The following ADCY10 variants were observed in gnomAD, a reference collection of about 807,000 sequenced individuals.
The protein encoded by ADCY10 is adenylate cyclase 10.
A neutral mutation model predicts 183.3 loss-of-function variants in ADCY10; 156 were observed. The observed-to-expected ratio is 0.85, with a 90% CI of 0.75 to 0.97. ADCY10 has a LOEUF of 0.97. Ranked by LOEUF, ADCY10 falls within the 50% of genes least tolerant of loss-of-function variation. The probability of loss-of-function intolerance (pLI) is 0.00; values close to 1 mark genes in which losing one functional copy is unlikely to be tolerated. For missense variants in ADCY10, 1,745 were observed against 1,934.3 expected (o/e 0.90, Z 1.84); for synonymous variants, 645 against 670.0 (o/e 0.96, Z 0.58).
At chr1:167,824,069 C>T (rs937805668) in intron 28 of ADCY10, among the ~76,000 whole-genome samples, 3 of 152,178 alleles carry the variant, frequency 2.0e-5, no homozygotes, top group African/African-American at 7.2e-5. Flanking sequence ...GCCTGTAATC[C>T]CAACACTTTG....
chr1:167,850,040 G>A (rs1665348079), intron 18 of ADCY10, among the ~76,000 whole-genome samples: 1 of 152,096 alleles, frequency 6.6e-6, no homozygotes, highest in Non-Finnish European at 1.5e-5. Flanking sequence ...AAGAGGGAAA[G>A]GTCACAGATT....
intron 14 of ADCY10, among the ~76,000 whole-genome samples, chr1:167,864,598 GGA>G (rs960652176): frequency 4.6e-5 from 7 of 150,916 alleles, no homozygotes; most frequent in Non-Finnish European, 7.4e-5. Context: ...AGAGAGAGAG[GGA>G]GAGAGAGAGA....
rs1023533370 is a variant in ADCY10 at position 167,821,947 on chromosome 1, A to G, written c.4286+77T>C. The stretch of plus-strand genomic sequence containing the variant: ...AGGTATAAATTATGAATACTTTCTA[A>G]AAGATTTTTCAAGAACTCTTCCTTG... On this transcript the variant is annotated intron_variant, in intron 30 of 32. Coordinates refer to ENST00000367851, the MANE Select transcript of ADCY10 (RefSeq NM_018417.6). 4.8e-6 allele frequency: 5 copies of G among 1,035,998 alleles called. No homozygotes were observed. In the African/African-American group the frequency reaches 6.3e-5, roughly 13 times the overall value. 64.2% of individuals were successfully genotyped at this position (1,035,998 alleles called of 1,614,324 possible).
chr1:167,830,870 G>A (rs1473674674), intron 25 of ADCY10, among the ~76,000 whole-genome samples: 1 of 152,152 alleles, frequency 6.6e-6, no homozygotes, highest in African/African-American at 2.4e-5. Context: ...CTTTGGAAAG[G>A]CGAATCAGAA....
chr1:167,833,984 T>A lies in ADCY10; in HGVS notation c.3403A>T (p.Ser1135Cys). Residue 1135 changes from serine (S) to cysteine (C), a missense_variant, in exon 24 of 33, where the codon AGC (serine) becomes TGC (cysteine). Transcript: ENST00000367851. ...TGGTTTCTTACCTCACCTTTGAGGC[T>A]GTAAAAGGTGGCAGACTCAAATGTC... ...SQTFESATFY[S>C]LKGEVCFNMG... is the part of the protein sequence containing the mutation. 1 of 1,613,792 alleles carries A rather than the reference T, an allele frequency of 6.2e-7. No individual in the cohort carries two copies. Among genetic ancestry groups the A allele is most frequent in the Non-Finnish European group, 8.5e-7 (1 of 1,179,696 alleles).
At chr1:167,896,431 A>T (rs539699747) in intron 7 of ADCY10, among the ~76,000 whole-genome samples, 164 bp downstream of exon 7, 1 of 151,962 alleles carries the variant, frequency 6.6e-6, no homozygotes, top group Admixed American at 6.6e-5. Context: ...TCATACTTAG[A>T]ATTGCTGTCC....
Position 167,837,337 on chromosome 1 carries a change from A to G in ADCY10, c.3008-19T>C. 1 of 1,595,654 alleles carries G rather than the reference A, an allele frequency of 6.3e-7. No individual in the cohort carries two copies. The highest frequency in any genetic ancestry group is 1.3e-5 in the African/African-American group (1 of 74,628). On this transcript the variant is annotated intron_variant, in intron 21 of 32. Coordinates refer to ENST00000367851, the MANE Select transcript of ADCY10 (RefSeq NM_018417.6). ...TCTTCAGCTAGAAAATAAACAAATGAGTTGTATGGGTCATTGAAATGTTCT... is the reference window on the plus strand; with the variant it reads ...TCTTCAGCTAGAAAATAAACAAATGGGTTGTATGGGTCATTGAAATGTTCT...
chr1:167,909,616 A>G (rs1053123200), intron 1 of ADCY10, among the ~76,000 whole-genome samples: 1 of 152,166 alleles, frequency 6.6e-6, no homozygotes, highest in African/African-American at 2.4e-5. Flanking sequence ...GTGTGGCCCA[A>G]GATGATTCTT....
chr1:167,889,085 G>T (rs1213116336), intron 8 of ADCY10, among the ~76,000 whole-genome samples: 1 of 152,058 alleles, frequency 6.6e-6, no homozygotes, highest in East Asian at 1.9e-4. Flanking sequence ...TCTTTCTCTT[G>T]TCTGATTACA....
chr1:167,817,960 C>T (rs1447840187), intron 31 of ADCY10, 112 bp downstream of exon 31: 3 of 1,150,618 alleles, frequency 2.6e-6, no homozygotes, highest in Non-Finnish European at 3.7e-6. Flanking sequence ...CCTTCAAAAA[C>T]TTCTATTATA....
intron 21 of ADCY10, among the ~76,000 whole-genome samples, chr1:167,844,159 A>G (rs868670999): frequency 6.6e-6 from 1 of 152,346 alleles, no homozygotes; most frequent in South Asian, 2.1e-4. Flanking sequence ...AATTTAATAA[A>G]TGCTAGTAAT....
At chr1:167,853,529 T>G (rs1665652587) in intron 18 of ADCY10, among the ~76,000 whole-genome samples, 2 of 152,114 alleles carry the variant, frequency 1.3e-5, no homozygotes, top group Admixed American at 6.6e-5. Flanking sequence ...AAAGTCCCAA[T>G]TAAAGCCTGC....
In ADCY10 at chr1:167,809,650, C is replaced by T; in HGVS notation, c.*28G>A. 6.2e-7 allele frequency: 1 copy of T among 1,610,410 alleles called. No individual in the cohort carries two copies. The highest frequency in any genetic ancestry group is 1.1e-5 in the South Asian group (1 of 91,008). On this transcript the variant is annotated 3_prime_UTR_variant, in exon 33 of 33. Coordinates refer to ENST00000367851, the MANE Select transcript of ADCY10 (RefSeq NM_018417.6). ...AATAGATAATCACAAGGACATAGTG[C>T]TTATTAAAATCTTTTTTCTTTGACA...
intron 31 of ADCY10, among the ~76,000 whole-genome samples, chr1:167,817,802 T>C (rs565914430): frequency 5.9e-5 from 9 of 152,284 alleles, no homozygotes; most frequent in Non-Finnish European, 2.9e-5. Context: ...TCATAATATA[T>C]TTAATAGCAA....
chr1:167,846,187 C>T lies in ADCY10; in HGVS notation c.2514G>A (p.Leu838=), dbSNP rs1665014990. The change falls in exon 20 of 33, where the codon CTG becomes CTA. Residue 838 remains leucine (L), a synonymous_variant. Coordinates refer to ENST00000367851, the MANE Select transcript of ADCY10 (RefSeq NM_018417.6). ...CAAACAACAACTCAGTGGTGAAGGT[C>T]AGGCCAATGATGGCAGCACATCTCA... The part of the protein sequence containing the change: ...MLVRCAAIIG[L]TFTTELLFEI... 1.2e-6 allele frequency: 2 copies of T among 1,614,092 alleles called. No individual in the cohort carries two copies. The highest frequency in any genetic ancestry group is 1.7e-6 in the Non-Finnish European group (2 of 1,180,050).
chr1:167,860,918 A>T lies in ADCY10; in HGVS notation c.1762T>A (p.Leu588Met). 6.2e-7 allele frequency: 1 copy of T among 1,614,114 alleles called. No individual in the cohort carries two copies. The highest frequency in any genetic ancestry group is 1.6e-4 in the Middle Eastern group (1 of 6,062). The change falls in exon 15 of 33, where the codon TTG becomes ATG. Residue 588 changes from leucine (L) to methionine (M), a missense_variant. Physicochemically the swap from Leu to Met is conservative, Grantham distance 15. Coordinates refer to ENST00000367851, the MANE Select transcript of ADCY10 (RefSeq NM_018417.6). Reference protein sequence around the residue: ...TNLRNKVMTLLDEKFYCLLND... With the variant: ...TNLRNKVMTLMDEKFYCLLND... The stretch of plus-strand genomic sequence containing the variant: ...AGAAGACAGTAGAACTTTTCATCCA[A>T]CAGTGTCATGACTTTATTTCGAAGG...
intron 1 of ADCY10, 128 bp from the exon 2 acceptor site, chr1:167,905,326 G>C: frequency 1.4e-6 from 1 of 740,128 alleles, no homozygotes; most frequent in Non-Finnish European, 2.3e-6. Context: ...GAGTTGTTGA[G>C]CCACACTTCA....
At chr1:167,903,689 T>A (rs372503218) in intron 3 of ADCY10, among the ~76,000 whole-genome samples, 198 bp downstream of exon 3, 4 of 152,170 alleles carry the variant, frequency 2.6e-5, no homozygotes, top group East Asian at 3.8e-4. Flanking sequence ...CCTCAAATAG[T>A]CTGTATTAGT....
chr1:167,851,765 G>A (rs886091257), intron 18 of ADCY10, among the ~76,000 whole-genome samples: 2 of 151,362 alleles, frequency 1.3e-5, no homozygotes, highest in African/African-American at 4.9e-5. Context: ...GGAGGCTGCA[G>A]TGAGCCAAGA....
Sources: allele counts gnomAD v4.1 joint callset (sites outside exome capture counted in the v4.1 genomes callset), GRCh38; gene constraint gnomAD v4.1.1; transcripts MANE v1.5; gene names NCBI Gene and HGNC (gene_info 2026-07-23, HGNC 2026-07-21).